The following NRXN3 variants were observed in gnomAD, a reference collection of about 807,000 sequenced individuals.
NRXN3 encodes neurexin III.
Under a neutral mutation model 137.6 loss-of-function variants are expected in NRXN3, and 32 were observed. The observed-to-expected ratio is 0.23, with a 90% CI of 0.18 to 0.31. The LOEUF (loss-of-function observed/expected upper bound fraction) is 0.31, where lower values mean the gene tolerates loss of function less well. Among genes scored for constraint, NRXN3 ranks in the 10% least tolerant of loss-of-function variants. The pLI is 1.00. For missense variants in NRXN3, 1,574 were observed against 2,062.5 expected (o/e 0.76, Z 4.59); for synonymous variants, 798 against 784.5 (o/e 1.02, Z -0.29).
chr14:78,695,629 G>C (rs939690045), intron 6 of NRXN3: 8 of 152,058 alleles, frequency 5.3e-5, no homozygotes, highest in Non-Finnish European at 1.0e-4. Context: ...GAGCTGGTCT[G>C]AGTTCTGGAC....
intron 16 of NRXN3, among the ~76,000 whole-genome samples, chr14:79,526,345 C>G (rs1333882941): frequency 6.6e-6 from 1 of 152,036 alleles, no homozygotes; most frequent in East Asian, 1.9e-4. Context: ...CCACCTGGCC[C>G]CATATCCACC....
chr14:78,222,311 AT>A (rs1470326738), intron 1 of NRXN3, among the ~76,000 whole-genome samples: 1 of 144,542 alleles, frequency 6.9e-6, no homozygotes, highest in African/African-American at 2.6e-5. Flanking sequence ...AGCCTTAGGA[AT>A]AAAGGGCACA....
chr14:78,988,934 T>C (rs2099512974), intron 15 of NRXN3, among the ~76,000 whole-genome samples: 1 of 152,232 alleles, frequency 6.6e-6, no homozygotes, highest in Admixed American at 6.5e-5. Flanking sequence ...TCTGACTTCA[T>C]GAAGGTGCTT....
intron 4 of NRXN3, among the ~76,000 whole-genome samples, chr14:78,629,004 A>G (rs74645514): frequency 0.012 from 1,816 of 152,324 alleles, 51 homozygotes; most frequent in African/African-American, 0.042. Flanking sequence ...CCCCTCCTTG[A>G]AAACTGTCAA....
rs1190165861 is a variant in NRXN3, at chr14:78,225,987, GTGT to G, written c.-703-16403_-703-16401del. Reference sequence around the variant, plus strand: ...TGTGTGTGTGTTGGTGTGTGTGTGTGTGTGTGTGTGTGTGTGTGTGTGTGTGTG... The same window carrying G: ...TGTGTGTGTGTTGGTGTGTGTGTGTGGTGTGTGTGTGTGTGTGTGTGTGTG... On this transcript the variant is annotated intron_variant, in intron 1 of 20. Coordinates refer to ENST00000335750, the MANE Select transcript of NRXN3 (RefSeq NM_001330195.2). 1.1e-3 allele frequency among the ~76,000 whole-genome samples: 155 copies of G among 142,424 alleles called. 1 individual carries two copies. In the Middle Eastern group the frequency reaches 0.011, roughly 10 times the overall value. 93.4% of individuals were successfully genotyped at this position (142,424 alleles called of 152,430 possible). A position where few individuals can be genotyped will look rare whatever the true frequency, so the allele number is the denominator to read the frequency against.
At chr14:79,391,747 T>C (rs979968545) in intron 15 of NRXN3, among the ~76,000 whole-genome samples, 11 of 152,358 alleles carry the variant, frequency 7.2e-5, no homozygotes, top group African/African-American at 7.2e-5. Flanking sequence ...CATTATTCCA[T>C]TGGTCACGTC....
intron 16 of NRXN3, among the ~76,000 whole-genome samples, chr14:79,513,548 T>C (rs2096953281): frequency 6.6e-6 from 1 of 152,242 alleles, no homozygotes; most frequent in Admixed American, 6.5e-5. Flanking sequence ...ACACATTCCA[T>C]TAATACAAGT....
At chr14:79,104,897 T>C (rs1039306552) in intron 15 of NRXN3, among the ~76,000 whole-genome samples, 4 of 151,988 alleles carry the variant, frequency 2.6e-5, no homozygotes, top group African/African-American at 9.7e-5. Flanking sequence ...TGTGTTTTAG[T>C]GGACTGAGGA....
chr14:79,494,718 T>C (rs964507450), intron 16 of NRXN3, among the ~76,000 whole-genome samples: 1 of 152,232 alleles, frequency 6.6e-6, no homozygotes, highest in Non-Finnish European at 1.5e-5. Context: ...AAAGATTATA[T>C]AGTTTCTTTA....
At chr14:79,109,745 T>A (rs997381310) in intron 15 of NRXN3, among the ~76,000 whole-genome samples, 1 of 152,152 alleles carries the variant, frequency 6.6e-6, no homozygotes, top group African/African-American at 2.4e-5. Context: ...CAGCTGCTTA[T>A]AAGGAGAGTT....
intron 4 of NRXN3, among the ~76,000 whole-genome samples, chr14:78,384,213 C>A (rs1179350590): frequency 6.6e-6 from 1 of 152,110 alleles, no homozygotes; most frequent in East Asian, 1.9e-4. Context: ...ATTTGAGAAT[C>A]ATTTTCTCTA....
intron 15 of NRXN3, among the ~76,000 whole-genome samples, chr14:79,453,809 A>T (rs2096214868): frequency 6.6e-6 from 1 of 152,152 alleles, no homozygotes; most frequent in African/African-American, 2.4e-5. Flanking sequence ...CTCCCCAAAT[A>T]TCAAATAGAT....
At chr14:79,844,187 A>C (rs991323361) in intron 20 of NRXN3, among the ~76,000 whole-genome samples, 1 of 151,716 alleles carries the variant, frequency 6.6e-6, no homozygotes, top group Non-Finnish European at 1.5e-5. Context: ...TCTTACTTCT[A>C]ATTATCTTGC....
intron 10 of NRXN3, among the ~76,000 whole-genome samples, chr14:78,895,415 C>A (rs2099170648): frequency 6.6e-6 from 1 of 151,872 alleles, no homozygotes; most frequent in Non-Finnish European, 1.5e-5. Context: ...CCTCTCTTAG[C>A]CTTCATAGAA....
intron 16 of NRXN3, among the ~76,000 whole-genome samples, chr14:79,644,404 G>A (rs2098445112): frequency 7.4e-6 from 1 of 135,842 alleles, no homozygotes; most frequent in African/African-American, 2.5e-5. Flanking sequence ...CATATAATGA[G>A]AGCAGAGAAC....
At position 78,957,258 on chromosome 14, in the gene NRXN3, C is replaced by T. The variant is rs780489388; in HGVS notation, c.2292C>T (p.Thr764=). 2.4e-5 allele frequency: 38 copies of T among 1,613,922 alleles called. No individual in the cohort carries two copies. In the South Asian group the frequency reaches 4.2e-4, roughly 18 times the overall value. ...CATCCTTAGGCAAAGGACCAGAGAC[C>T]TTGTATGCAGGGCAGAAGCTCAATG... is the stretch of plus-strand genomic sequence containing the variant. The part of the protein sequence containing the change: ...INCNSSKGPE[T]LYAGQKLNDN... Residue 764 remains threonine (T), a synonymous_variant, in exon 11 of 21, where the codon ACC becomes ACT. Transcript: ENST00000335750.
chr14:79,084,287 CAT>C (rs1200482816), intron 15 of NRXN3, among the ~76,000 whole-genome samples: 1 of 152,100 alleles, frequency 6.6e-6, no homozygotes, highest in Non-Finnish European at 1.5e-5. Flanking sequence ...TAAATCTATA[CAT>C]GTGTTAAAAT....
At chr14:79,379,775 C>G (rs2094411649) in intron 15 of NRXN3, among the ~76,000 whole-genome samples, 1 of 152,152 alleles carries the variant, frequency 6.6e-6, no homozygotes, top group Non-Finnish European at 1.5e-5. Flanking sequence ...CACTTTCCCC[C>G]ACTCTAATTC....
At chr14:78,490,106 G>A (rs1004168979) in intron 4 of NRXN3, among the ~76,000 whole-genome samples, 2 of 151,924 alleles carry the variant, frequency 1.3e-5, no homozygotes, top group African/African-American at 4.8e-5. Flanking sequence ...GTAGAGATGT[G>A]GTTTCACCAA....
Sources: allele counts gnomAD v4.1 joint callset (sites outside exome capture counted in the v4.1 genomes callset), GRCh38; gene constraint gnomAD v4.1.1; transcripts MANE v1.5; gene names NCBI Gene and HGNC (gene_info 2026-07-23, HGNC 2026-07-21).